The following MRPL1 variants were observed in gnomAD, a reference collection of about 807,000 sequenced individuals.
MRPL1 encodes large ribosomal subunit protein uL1m.
In MRPL1, 28 loss-of-function variants were observed where a neutral mutation model predicts 38.0. That is an observed-to-expected ratio of 0.74 (90% CI 0.55 to 1.01). MRPL1 has a LOEUF of 1.01. Ranked by LOEUF, MRPL1 falls within the 50% of genes least tolerant of loss-of-function variation. The pLI is 0.00. For synonymous variants in MRPL1, 123 were observed against 126.7 expected, an observed-to-expected ratio of 0.97 and a Z score of 0.20; for missense variants, 358 against 389.8, an observed-to-expected ratio of 0.92 and a Z score of 0.69.
At chr4:77,871,391 G>A (rs1036470831) in intron 1 of MRPL1, among the ~76,000 whole-genome samples, 4 of 150,842 alleles carry the variant, frequency 2.7e-5, no homozygotes, top group Non-Finnish European at 4.4e-5. Context: ...TGCAACCTCC[G>A]CCTCCTGGGT....
At chr4:77,881,081 T>G (rs1735527844) in intron 2 of MRPL1, among the ~76,000 whole-genome samples, 1 of 152,212 alleles carries the variant, frequency 6.6e-6, no homozygotes, top group Non-Finnish European at 1.5e-5. Flanking sequence ...GGCCTAAGCA[T>G]AGAGCAGGGA....
chr4:77,897,945 T>C (rs1224190335), intron 6 of MRPL1, among the ~76,000 whole-genome samples: 1 of 152,212 alleles, frequency 6.6e-6, no homozygotes, highest in African/African-American at 2.4e-5. Context: ...TTGTTGTAGA[T>C]GAAATATGGA....
At chr4:77,911,945 A>G (rs1003703877) in intron 7 of MRPL1, among the ~76,000 whole-genome samples, 2 of 152,184 alleles carry the variant, frequency 1.3e-5, no homozygotes, top group African/African-American at 2.4e-5. Context: ...ACATTCAACA[A>G]TTAATCATTA....
At chr4:77,917,811 T>G (rs1363397913) in intron 7 of MRPL1, among the ~76,000 whole-genome samples, 1 of 152,168 alleles carries the variant, frequency 6.6e-6, no homozygotes, top group Non-Finnish European at 1.5e-5. Context: ...ATCCCAGCAC[T>G]TTCGGAAGCT....
At chr4:77,892,799 T>G (rs1560463981) in intron 5 of MRPL1, among the ~76,000 whole-genome samples, 1 of 152,202 alleles carries the variant, frequency 6.6e-6, no homozygotes, top group Non-Finnish European at 1.5e-5. Flanking sequence ...GCCTCTTAGG[T>G]GTGTACAGAC....
At chr4:77,934,173 G>A (rs1451619324) in intron 7 of MRPL1, among the ~76,000 whole-genome samples, 3 of 152,158 alleles carry the variant, frequency 2.0e-5, no homozygotes, top group Non-Finnish European at 2.9e-5. Flanking sequence ...CAAAAGCACA[G>A]ACAACAAAAG....
intron 7 of MRPL1, among the ~76,000 whole-genome samples, chr4:77,938,151 G>A (rs1382606506): frequency 2.6e-5 from 4 of 152,180 alleles, no homozygotes; most frequent in African/African-American, 4.8e-5. Context: ...AGAAAGTTTT[G>A]TTAGAATATA....
At chr4:77,914,893 G>T (rs1407100565) in intron 7 of MRPL1, among the ~76,000 whole-genome samples, 1 of 152,152 alleles carries the variant, frequency 6.6e-6, no homozygotes, top group African/African-American at 2.4e-5. Flanking sequence ...GCCAAATCTG[G>T]TTGTGGCTGT....
chr4:77,944,297 C>T (rs187249784), intron 7 of MRPL1, among the ~76,000 whole-genome samples: 6 of 152,302 alleles, frequency 3.9e-5, no homozygotes, highest in Admixed American at 2.0e-4. Context: ...TGGGGCCTGT[C>T]GCAGCAATCC....
At chr4:77,933,887 T>G (rs1328751891) in intron 7 of MRPL1, among the ~76,000 whole-genome samples, 6 of 152,152 alleles carry the variant, frequency 3.9e-5, no homozygotes, top group Admixed American at 3.3e-4. Context: ...AATGAAAAAT[T>G]TAAAGTGAAA....
At chr4:77,934,162 C>T (rs1560473908) in intron 7 of MRPL1, among the ~76,000 whole-genome samples, 1 of 152,102 alleles carries the variant, frequency 6.6e-6, no homozygotes, top group Non-Finnish European at 1.5e-5. Flanking sequence ...CTTACTGACA[C>T]CAAAAGCACA....
intron 1 of MRPL1, among the ~76,000 whole-genome samples, chr4:77,864,000 GTTTT>G (rs34560176): frequency 0.032 from 3,996 of 125,882 alleles, 73 homozygotes; most frequent in Middle Eastern, 0.064. Flanking sequence ...CTGCATCACA[GTTTT>G]TTTTTTTTTT....
intron 4 of MRPL1, among the ~76,000 whole-genome samples, chr4:77,886,244 T>C (rs1735672726): frequency 6.6e-6 from 1 of 152,138 alleles, no homozygotes; most frequent in African/African-American, 2.4e-5. Flanking sequence ...TCATACTCAC[T>C]ATAGCCTCGG....
At position 77,867,683 on chromosome 4, in the gene MRPL1, C is replaced by G. The variant is rs554249801; in HGVS notation, c.32-4061C>G. Among the ~76,000 whole-genome samples the G allele has an allele frequency of 2.6e-4, 40 of 151,690 alleles. 1 individual carries two copies. The Middle Eastern group carries it at 0.017, about 66-fold the overall frequency. On this transcript the variant is annotated intron_variant, in intron 1 of 8. Coordinates refer to ENST00000315567, the MANE Select transcript of MRPL1 (RefSeq NM_020236.4). ...TTATAGGCATGAGCGATCAACCCGCCTTGGCTTCCCAGTGTTGGGATTACA... is the reference window on the plus strand; with the variant it reads ...TTATAGGCATGAGCGATCAACCCGCGTTGGCTTCCCAGTGTTGGGATTACA...
chr4:77,866,589 C>T (rs910918760), intron 1 of MRPL1, among the ~76,000 whole-genome samples: 1 of 152,114 alleles, frequency 6.6e-6, no homozygotes, highest in Non-Finnish European at 1.5e-5. Context: ...CTCCATCTAT[C>T]CTCCCTCACA....
chr4:77,906,163 TTGAAA>T (rs1349278016), intron 6 of MRPL1, among the ~76,000 whole-genome samples: 1 of 152,136 alleles, frequency 6.6e-6, no homozygotes, highest in African/African-American at 2.4e-5. Flanking sequence ...GGCTCAGCCC[TTGAAA>T]TGAAATGAAA....
At chr4:77,921,891 C>G (rs1736588791) in intron 7 of MRPL1, among the ~76,000 whole-genome samples, 1 of 150,798 alleles carries the variant, frequency 6.6e-6, no homozygotes, top group African/African-American at 2.4e-5. Context: ...GTACATTTTT[C>G]TTGGGTGAGT....
rs533249445 is a variant in MRPL1, at chr4:77,932,618, G to C, written c.778-17179G>C. Reference sequence around the variant, plus strand: ...AGATTACAGAGTAGATTGGACATAAGCAACACACTTCAGGTGTGACTGTCT... The same window carrying C: ...AGATTACAGAGTAGATTGGACATAACCAACACACTTCAGGTGTGACTGTCT... On this transcript the variant is annotated intron_variant, in intron 7 of 8. Transcript: ENST00000315567. 2.0e-5 allele frequency among the ~76,000 whole-genome samples: 3 copies of C among 151,980 alleles called. No individual in the cohort carries two copies. In the South Asian group the frequency reaches 6.2e-4, roughly 32 times the overall value.
intron 7 of MRPL1, among the ~76,000 whole-genome samples, chr4:77,912,486 G>T (rs1206896307): frequency 6.6e-6 from 1 of 152,026 alleles, no homozygotes; most frequent in Non-Finnish European, 1.5e-5. Context: ...AAATACTTAG[G>T]GGTAAATCTG....
Sources: allele counts gnomAD v4.1 joint callset (sites outside exome capture counted in the v4.1 genomes callset), GRCh38; gene constraint gnomAD v4.1.1; transcripts MANE v1.5; gene names NCBI Gene and HGNC (gene_info 2026-07-23, HGNC 2026-07-21).